Variants in ZNF43 observed in about 807,000 individuals in gnomAD.
The protein encoded by ZNF43 is zinc finger protein 39-like 1 (KOX 27).
ZNF43 carries 44 observed loss-of-function variants against 68.4 expected under a neutral mutation model. The observed-to-expected ratio is 0.64, with a 90% CI of 0.51 to 0.83. The LOEUF (loss-of-function observed/expected upper bound fraction) is 0.83, where lower values mean the gene tolerates loss of function less well. Ranked by LOEUF, ZNF43 falls within the 40% of genes least tolerant of loss-of-function variation. ZNF43 has a pLI of 0.00. For missense variants in ZNF43, 896 were observed against 933.2 expected (o/e 0.96, Z 0.52); for synonymous variants, 308 against 307.8 (o/e 1.00, Z -0.01).
intron 1 of ZNF43, among the ~76,000 whole-genome samples, chr19:21,830,625 A>C (rs1436223799): frequency 2.0e-5 from 3 of 151,676 alleles, no homozygotes; most frequent in Non-Finnish European, 4.4e-5. Context: ...AATAGCCTAG[A>C]AACCAATAAA....
intron 1 of ZNF43, chr19:21,851,323 T>C (rs1968337809): frequency 6.6e-6 from 1 of 150,950 alleles, no homozygotes; most frequent in African/African-American, 2.4e-5. Context: ...AGGTCTGGAG[T>C]TCGAGATCAG....
intron 3 of ZNF43, among the ~76,000 whole-genome samples, chr19:21,811,708 C>T (rs2145177047): frequency 6.6e-6 from 1 of 152,232 alleles, no homozygotes; most frequent in Non-Finnish European, 1.5e-5. Context: ...ATGAACCCTT[C>T]TGTGTATGAT....
intron 1 of ZNF43, 36 bp downstream of exon 1, chr19:21,836,000 C>A: frequency 6.2e-7 from 1 of 1,613,808 alleles, no homozygotes; most frequent in Non-Finnish European, 8.5e-7. Flanking sequence ...GCCACAGCCC[C>A]TTCCCCCTCT....
chr19:21,838,166 T>C (rs1967249448), upstream of ZNF43: 1 of 152,184 alleles, frequency 6.6e-6, no homozygotes, highest in Non-Finnish European at 1.5e-5. Context: ...GTAAAGAAAG[T>C]ATGTAGCTTT....
chr19:21,836,131 A>G lies in ZNF43; in HGVS notation c.-93T>C. ...ACAGAGGCTGGACCTCTAGCAGCAG[A>G]GGACACAGAAGAACGAAGACGAGAC... On this transcript the variant is annotated 5_prime_UTR_variant, in exon 1 of 4. Transcript: ENST00000354959. 1.3e-6 allele frequency: 2 copies of G among 1,598,852 alleles called. No homozygotes were observed. The highest frequency in any genetic ancestry group is 1.7e-6 in the Non-Finnish European group (2 of 1,172,190).
chr19:21,820,098 C>A (rs1406469884), intron 1 of ZNF43, among the ~76,000 whole-genome samples: 2 of 150,770 alleles, frequency 1.3e-5, no homozygotes, highest in African/African-American at 4.9e-5. Flanking sequence ...ACTCAAGGGG[C>A]TGAGGCAAGA....
Position 21,819,587 on chromosome 19 carries a change from C to T in ZNF43, c.4-366G>A, listed in dbSNP as rs184248708. On this transcript the variant is annotated intron_variant, in intron 1 of 3. Transcript: ENST00000354959. ...AAAGACATGTTGAGTTAGAAGGGAC[C>T]TTTAAAATATTAAGGTGTACAATAA... 1.6e-3 allele frequency among the ~76,000 whole-genome samples: 237 copies of T among 152,156 alleles called. 2 individuals carry two copies. Among genetic ancestry groups the T allele is most frequent in the African/African-American group, 5.2e-3 (216 of 41,508 alleles).
In ZNF43 at chr19:21,805,090, C is replaced by T. The variant is rs1028240554; in HGVS notation, c.*2517G>A. 6.6e-6 allele frequency: 1 copy of T among 152,008 alleles called. No individual in the cohort carries two copies. The highest frequency in any genetic ancestry group is 1.5e-5 in the Non-Finnish European group (1 of 68,010). The allele number at this position is 152,008 out of a possible 1,614,324, so 9.4% of individuals were successfully genotyped here. A position where few individuals can be genotyped will look rare whatever the true frequency, so the allele number is the denominator to read the frequency against. ...TGGCTTGTAATACAAAGGATAAATG[C>T]TGAAGGTAATAGATACTTTATCCTG... On this transcript the variant is annotated 3_prime_UTR_variant, in exon 4 of 4. Transcript: ENST00000354959.
At position 21,836,116 on chromosome 19, in the gene ZNF43, G is replaced by T; in HGVS notation, c.-78C>A. Reference sequence around the variant, plus strand: ...GCAGGTCACAGAGCCACAGAGGCTGGACCTCTAGCAGCAGAGGACACAGAA... The same window carrying T: ...GCAGGTCACAGAGCCACAGAGGCTGTACCTCTAGCAGCAGAGGACACAGAA... On this transcript the variant is annotated 5_prime_UTR_variant, in exon 1 of 4. Coordinates refer to ENST00000354959, the MANE Select transcript of ZNF43 (RefSeq NM_003423.4). 6.2e-7 allele frequency: 1 copy of T among 1,609,472 alleles called. No individual in the cohort carries two copies.
chr19:21,819,654 T>C (rs530919088), intron 1 of ZNF43, among the ~76,000 whole-genome samples: 6 of 152,190 alleles, frequency 3.9e-5, no homozygotes, highest in Non-Finnish European at 5.9e-5. Flanking sequence ...TCAGAAGATC[T>C]GGAATAAAGT....
chr19:21,816,775 A>C (rs2037548995), intron 3 of ZNF43, among the ~76,000 whole-genome samples: 1 of 152,204 alleles, frequency 6.6e-6, no homozygotes, highest in Non-Finnish European at 1.5e-5. Context: ...ACAACCTGAT[A>C]TAAAGCCCAC....
rs1397406107 is a variant in ZNF43 at position 21,809,557 on chromosome 19, A to AT, written c.479dup (p.Asn160LysfsTer6). On this transcript the variant is annotated frameshift_variant, in exon 4 of 4. Transcript: ENST00000354959. LOFTEE classifies it high-confidence loss of function. ...TATGGCTTATCTTATGTCTGTTTGAATTTGAAAATTTATGAAAGGCTTTCA... is the reference window on the plus strand; with the variant it reads ...TATGGCTTATCTTATGTCTGTTTGAATTTTGAAAATTTATGAAAGGCTTTCA... 6.2e-7 allele frequency: 1 copy of AT among 1,611,544 alleles called. No homozygotes were observed. The highest frequency in any genetic ancestry group is 2.2e-5 in the East Asian group (1 of 44,832).
intron 3 of ZNF43, among the ~76,000 whole-genome samples, chr19:21,814,095 A>G (rs2145190815): frequency 6.6e-6 from 1 of 152,244 alleles, no homozygotes; most frequent in Non-Finnish European, 1.5e-5. Flanking sequence ...AAGATGGTAA[A>G]TTTCATGTTA....
At chr19:21,819,267 G>A (rs768984324) in intron 1 of ZNF43, 46 bp from the exon 2 acceptor site, 5 of 1,503,206 alleles carry the variant, frequency 3.3e-6, no homozygotes, top group Non-Finnish European at 4.4e-6. Flanking sequence ...CATTTACCAA[G>A]TGGCCACAGG....
chr19:21,851,867 G>A, intron 1 of ZNF43: 1 of 1,552,832 alleles, frequency 6.4e-7, no homozygotes, highest in Non-Finnish European at 8.7e-7. Context: ...TTCACAGCCT[G>A]CTCTCCCCTC....
chr19:21,844,118 C>T (rs1352231159), intron 1 of ZNF43, among the ~76,000 whole-genome samples: 2 of 151,990 alleles, frequency 1.3e-5, no homozygotes, highest in African/African-American at 2.4e-5. Context: ...ATCGTACCTG[C>T]GGCCCTAGGC....
rs114701015 is a variant in ZNF43, at chr19:21,821,358, C to T, written c.4-2137G>A. ...TAGAGACGGGGTTTCACCGTGTTAC[C>T]GCGCCTGGCCAACCAGGCTGTAATT... On this transcript the variant is annotated intron_variant, in intron 1 of 3. Coordinates refer to ENST00000354959, the MANE Select transcript of ZNF43 (RefSeq NM_003423.4). Among the ~76,000 whole-genome samples, 672 of 151,998 alleles carry T rather than the reference C, an allele frequency of 4.4e-3. 6 individuals are homozygous for T. Among genetic ancestry groups the T allele is most frequent in the African/African-American group, 0.015 (632 of 41,472 alleles).
chr19:21,815,832 G>C (rs1329579377), intron 3 of ZNF43, among the ~76,000 whole-genome samples: 1 of 151,898 alleles, frequency 6.6e-6, no homozygotes, highest in Non-Finnish European at 1.5e-5. Context: ...GCTGAGATGG[G>C]TGGATCATTT....
intron 1 of ZNF43, among the ~76,000 whole-genome samples, chr19:21,842,885 C>T (rs756202002): frequency 1.3e-5 from 2 of 151,946 alleles, no homozygotes; most frequent in Non-Finnish European, 2.9e-5. Flanking sequence ...GATACGTCAC[C>T]CCCTCTTCTG....
Sources: gnomAD v4.1 joint callset for allele counts (sites outside exome capture counted in the v4.1 genomes callset) on GRCh38, gnomAD v4.1.1 for gene constraint, MANE v1.5 for transcripts, NCBI Gene and HGNC (gene_info 2026-07-23, HGNC 2026-07-21) for gene names.